Variants in NSUN6 observed in about 807,000 individuals in gnomAD.
NSUN6 encodes the protein NOP2/Sun RNA methyltransferase 6.
In NSUN6, 64 loss-of-function variants were observed where a neutral mutation model predicts 58.0. The ratio of observed to expected loss-of-function variants is 1.10; its 90% CI spans 0.90 to 1.36. The LOEUF is 1.36. NSUN6 is among the 40% of genes most tolerant of loss of function. NSUN6 has a pLI of 0.00. For missense variants in NSUN6, 701 were observed against 550.1 expected (o/e 1.27, Z -2.74); for synonymous variants, 231 against 193.9 (o/e 1.19, Z -1.59).
At chr10:18,636,110 T>C (rs773122208) in intron 3 of NSUN6, among the ~76,000 whole-genome samples, 3 of 151,850 alleles carry the variant, frequency 2.0e-5, no homozygotes, top group African/African-American at 7.3e-5. Context: ...CAGACTCAGC[T>C]AACTTGTTGT....
intron 4 of NSUN6, among the ~76,000 whole-genome samples, chr10:18,615,207 G>C (rs2058370269): frequency 6.6e-6 from 1 of 151,636 alleles, no homozygotes. Flanking sequence ...GTACAGAGTT[G>C]CTTTATATGG....
At chr10:18,569,209 A>C (rs1392872255) in intron 8 of NSUN6, among the ~76,000 whole-genome samples, 1 of 140,826 alleles carries the variant, frequency 7.1e-6, no homozygotes, top group African/African-American at 2.7e-5. Flanking sequence ...TCCATTCTGC[A>C]TTCCATTCTC....
intron 3 of NSUN6, among the ~76,000 whole-genome samples, chr10:18,627,590 C>A (rs1159294641): frequency 6.6e-6 from 1 of 152,204 alleles, no homozygotes; most frequent in Non-Finnish European, 1.5e-5. Context: ...GAGGCATTGC[C>A]TCACTCGGGA....
chr10:18,554,225 G>A (rs2054816774), intron 8 of NSUN6, among the ~76,000 whole-genome samples: 1 of 151,052 alleles, frequency 6.6e-6, no homozygotes. Flanking sequence ...GATATGGAAT[G>A]GACTGGAGAC....
In NSUN6 at chr10:18,545,983, C is replaced by G. The variant is rs1480054787; in HGVS notation, c.1360G>C (p.Asp454His). Reference protein sequence around the residue: ...REDMLRLANKDSIGFFIAKFV... With the variant: ...REDMLRLANKHSIGFFIAKFV... ...TTTGCAATAAAAAAACCTATAGAGT[C>G]CTTATTAGCCAGACGCAACATGTCT... is the stretch of plus-strand genomic sequence containing the variant. Residue 454 changes from aspartate to histidine, a missense_variant, in exon 11 of 11, where the codon GAC becomes CAC. By Grantham distance (81) the Asp-to-His change is moderately conservative (BLOSUM62 -1). Coordinates refer to ENST00000377304, the MANE Select transcript of NSUN6 (RefSeq NM_182543.5). 6.3e-7 allele frequency: 1 copy of G among 1,583,028 alleles called. No individual in the cohort carries two copies. The highest frequency in any genetic ancestry group is 8.5e-7 in the Non-Finnish European group (1 of 1,171,836).
At chr10:18,651,916 G>A, upstream of NSUN6, 1 of 985,414 alleles carries the variant, frequency 1.0e-6, no homozygotes, top group Non-Finnish European at 1.2e-6. Flanking sequence ...CTGAAAAAAG[G>A]CACAGCCCAG....
intron 8 of NSUN6, among the ~76,000 whole-genome samples, chr10:18,565,425 C>T (rs1460181741): frequency 1.3e-5 from 2 of 149,014 alleles, no homozygotes; most frequent in South Asian, 2.1e-4. Context: ...CCATTCTCCA[C>T]TCCATTCCAT....
chr10:18,609,784 C>G (rs1369416280), intron 6 of NSUN6, 61 bp downstream of exon 6: 4 of 913,194 alleles, frequency 4.4e-6, no homozygotes, highest in South Asian at 2.9e-5. Context: ...TCCTAGATTT[C>G]AAATAATTCA....
At chr10:18,582,964 G>GACGA (rs1329008820) in intron 8 of NSUN6, among the ~76,000 whole-genome samples, 1 of 152,148 alleles carries the variant, frequency 6.6e-6, no homozygotes. Context: ...AGGCCTCTGA[G>GACGA]ACGAAGCTCA....
chr10:18,623,613 G>A (rs983818314), intron 3 of NSUN6, among the ~76,000 whole-genome samples: 1 of 152,186 alleles, frequency 6.6e-6, no homozygotes, highest in South Asian at 2.1e-4. Flanking sequence ...GGAGACAAGT[G>A]TGAAAGAAGA....
intron 8 of NSUN6, among the ~76,000 whole-genome samples, chr10:18,577,149 G>A (rs1170286401): frequency 6.6e-6 from 1 of 152,176 alleles, no homozygotes; most frequent in Non-Finnish European, 1.5e-5. Context: ...GCAATTAGGG[G>A]CTACTAGCCA....
chr10:18,548,705 C>G (rs2054433518), intron 9 of NSUN6, among the ~76,000 whole-genome samples: 1 of 152,312 alleles, frequency 6.6e-6, no homozygotes, highest in African/African-American at 2.4e-5. Flanking sequence ...TCCCAAAGTG[C>G]TGGGATTGCA....
chr10:18,559,984 G>A lies in NSUN6; in HGVS notation c.923-8013C>T, dbSNP rs568052860. The stretch of plus-strand genomic sequence containing the variant: ...ATGGTTTGGAATGGAATGGAGAATC[G>A]AATGGAATAGAGAATGGAATGCAAT... On this transcript the variant is annotated intron_variant, in intron 8 of 10. Transcript: ENST00000377304. Among the ~76,000 whole-genome samples the A allele has an allele frequency of 1.3e-4, 20 of 150,660 alleles. No homozygotes were observed. The South Asian group carries it at 2.7e-3, about 20-fold the overall frequency.
chr10:18,556,817 G>A (rs890633957), intron 8 of NSUN6, among the ~76,000 whole-genome samples: 8 of 150,374 alleles, frequency 5.3e-5, no homozygotes, highest in African/African-American at 1.2e-4. Flanking sequence ...CTGAAATGGA[G>A]AGTGGAATGC....
intron 9 of NSUN6, among the ~76,000 whole-genome samples, chr10:18,551,290 GT>G (rs2054589055): frequency 6.8e-6 from 1 of 147,950 alleles, no homozygotes; most frequent in Non-Finnish European, 1.5e-5. Context: ...GTGTGTGTGT[GT>G]GGTAAAATAT....
intron 9 of NSUN6, 125 bp downstream of exon 9, chr10:18,551,698 G>A (rs765985581): frequency 4.3e-6 from 3 of 701,446 alleles, no homozygotes; most frequent in Non-Finnish European, 7.4e-6. Flanking sequence ...TCTGTCAACA[G>A]ACTCTTGGGT....
rs531946463 is a variant in NSUN6, at chr10:18,548,820, G to A, written c.1072-583C>T. Among the ~76,000 whole-genome samples the A allele has an allele frequency of 7.2e-5, 11 of 152,170 alleles. 1 individual carries two copies. The South Asian group carries it at 1.2e-3, about 17-fold the overall frequency. ...TTTCCCTCTGAAATCCACTGCAGAA[G>A]TTTTCCTATCTTTCCAGAATCTCAG... On this transcript the variant is annotated intron_variant, in intron 9 of 10. Transcript: ENST00000377304.
At position 18,548,224 on chromosome 10, in the gene NSUN6, A is replaced by G; in HGVS notation, c.1085T>C (p.Leu362Pro). 6.2e-7 allele frequency: 1 copy of G among 1,612,902 alleles called. No homozygotes were observed. The highest frequency in any genetic ancestry group is 1.3e-5 in the African/African-American group (1 of 75,022). The change falls in exon 10 of 11, where the codon CTG (leucine) becomes CCG (proline). Residue 362 changes from leucine to proline, a missense_variant. Physicochemically the swap from Leu to Pro is moderately conservative, Grantham distance 98. Transcript: ENST00000377304. ...RKLFTAAVQL[L>P]KPEGVLVYST... is the part of the protein sequence containing the mutation. ...ATAAACCAGCACACCCTCTGGCTTC[A>G]GCAGCTGAACCGCCTAAAGAAAACT...
chr10:18,651,871 C>T (rs1008512244), upstream of NSUN6: 4 of 985,280 alleles, frequency 4.1e-6, no homozygotes, highest in African/African-American at 3.5e-5. Flanking sequence ...GGGAAACAGC[C>T]AAATGGCGTG....
Sources: gnomAD v4.1 joint callset for allele counts (sites outside exome capture counted in the v4.1 genomes callset) on GRCh38, gnomAD v4.1.1 for gene constraint, MANE v1.5 for transcripts, NCBI Gene and HGNC (gene_info 2026-07-23, HGNC 2026-07-21) for gene names.